CEP20: variants seen among roughly 807,000 people sequenced by gnomAD.
The protein encoded by CEP20 is FGFR1OP N-terminal like.
Under a neutral mutation model 20.0 loss-of-function variants are expected in CEP20, and 18 were observed. That is an observed-to-expected ratio of 0.90 (90% CI 0.62 to 1.34). The LOEUF (loss-of-function observed/expected upper bound fraction) is 1.34. CEP20 is among the 40% of genes most tolerant of loss of function. CEP20 has a pLI of 0.00. For synonymous variants in CEP20, 77 were observed against 73.7 expected, an observed-to-expected ratio of 1.04 and a Z score of -0.23; for missense variants, 215 against 201.6, an observed-to-expected ratio of 1.07 and a Z score of -0.40.
chr16:15,877,809 C>T (rs780367540), intron 3 of CEP20, among the ~76,000 whole-genome samples: 1 of 150,976 alleles, frequency 6.6e-6, no homozygotes, highest in East Asian at 2.0e-4. Flanking sequence ...CCTCACAGCA[C>T]TTTGGGAGGT....
At chr16:15,880,653 G>C (rs957142461) in intron 2 of CEP20, among the ~76,000 whole-genome samples, 1 of 152,136 alleles carries the variant, frequency 6.6e-6, no homozygotes, top group Non-Finnish European at 1.5e-5. Flanking sequence ...TCTACAGCAA[G>C]GGTCCCCAAC....
intron 4 of CEP20, among the ~76,000 whole-genome samples, chr16:15,869,186 C>G (rs1596985498): frequency 6.6e-6 from 1 of 151,980 alleles, no homozygotes; most frequent in South Asian, 2.1e-4. Context: ...TACAAATGCA[C>G]TGGCTGTCAT....
At chr16:15,873,718 C>T in intron 3 of CEP20, 91 bp from the exon 4 acceptor site, 1 of 1,351,716 alleles carries the variant, frequency 7.4e-7, no homozygotes, top group Non-Finnish European at 9.7e-7. Context: ...AAAAGGTAAC[C>T]TCTGACATCA....
chr16:15,885,332 A>AATC (rs200084415), intron 1 of CEP20, among the ~76,000 whole-genome samples: 1 of 146,074 alleles, frequency 6.8e-6, no homozygotes, highest in African/African-American at 2.5e-5. Flanking sequence ...CCAACCAACC[A>AATC]AAAAAAAAAA....
In CEP20 at chr16:15,866,712, T is replaced by G. The variant is rs540851166; in HGVS notation, c.*728A>C. The G allele has an allele frequency of 2.0e-4, 30 of 152,346 alleles. No homozygotes were observed. Among genetic ancestry groups the G allele is most frequent in the African/African-American group, 7.2e-4 (30 of 41,576 alleles). 9.4% of individuals were successfully genotyped at this position (152,346 alleles called of 1,614,324 possible). A position where few individuals can be genotyped will look rare whatever the true frequency, so the allele number is the denominator to read the frequency against. ...TCTCCCAAAGCCTGTCTCTTCATGC[T>G]TACTTCACATTCTTTATCTAATAAA... On this transcript the variant is annotated 3_prime_UTR_variant, in exon 5 of 5. Coordinates refer to ENST00000255759, the MANE Select transcript of CEP20 (RefSeq NM_144600.4).
chr16:15,876,804 C>A (rs1309716330), intron 3 of CEP20, among the ~76,000 whole-genome samples: 2 of 151,040 alleles, frequency 1.3e-5, no homozygotes, highest in African/African-American at 4.9e-5. Flanking sequence ...AAAAATAAAG[C>A]CGTTTTAGCA....
chr16:15,878,309 T>C (rs373838144), intron 3 of CEP20, among the ~76,000 whole-genome samples: 9 of 152,202 alleles, frequency 5.9e-5, no homozygotes, highest in African/African-American at 9.6e-5. Context: ...TGTGAGCAGA[T>C]AGAACAACAG....
intron 4 of CEP20, among the ~76,000 whole-genome samples, chr16:15,869,200 A>T (rs1392959076): frequency 1.3e-5 from 2 of 152,130 alleles, no homozygotes; most frequent in Non-Finnish European, 2.9e-5. Flanking sequence ...CTGTCATTTC[A>T]AAGGTGGGTG....
rs781347674 is a variant in CEP20 at position 15,867,398 on chromosome 16, T to A, written c.*42A>T. ...TGGGACAATAAATAAGTTATTTAATTAATAATACAATTTTAAGACAAAAGA... is the reference window on the plus strand; with the variant it reads ...TGGGACAATAAATAAGTTATTTAATAAATAATACAATTTTAAGACAAAAGA... On this transcript the variant is annotated 3_prime_UTR_variant, in exon 5 of 5. Coordinates refer to ENST00000255759, the MANE Select transcript of CEP20 (RefSeq NM_144600.4). 2.1e-6 allele frequency: 3 copies of A among 1,448,736 alleles called. No homozygotes were observed. In the East Asian group the frequency reaches 7.1e-5, roughly 34 times the overall value. The allele number at this position is 1,448,736 out of a possible 1,614,324, so 89.7% of individuals were successfully genotyped here. A position where few individuals can be genotyped will look rare whatever the true frequency, so the allele number is the denominator to read the frequency against.
At chr16:15,876,837 C>T (rs2044962415) in intron 3 of CEP20, among the ~76,000 whole-genome samples, 1 of 150,982 alleles carries the variant, frequency 6.6e-6, no homozygotes. Flanking sequence ...GCTTCCTCAT[C>T]CTCTCTCAAA....
intron 4 of CEP20, 38 bp downstream of exon 4, chr16:15,873,453 T>C: frequency 2.5e-6 from 4 of 1,586,178 alleles, no homozygotes; most frequent in South Asian, 1.2e-5. Flanking sequence ...AAAACATATT[T>C]GCTGACAGCT....
intron 2 of CEP20, 103 bp from the exon 3 acceptor site, chr16:15,879,991 G>C: frequency 5.2e-6 from 4 of 767,952 alleles, no homozygotes; most frequent in Non-Finnish European, 6.3e-6. Context: ...TTTAGATTTT[G>C]GAAGAATGAT....
intron 1 of CEP20, among the ~76,000 whole-genome samples, chr16:15,887,852 G>A (rs1427600761): frequency 1.3e-5 from 2 of 152,038 alleles, no homozygotes; most frequent in East Asian, 3.9e-4. Flanking sequence ...CCAGCACTTT[G>A]AGGGGGCCAA....
intron 3 of CEP20, among the ~76,000 whole-genome samples, chr16:15,874,962 CATT>C (rs1476108724): frequency 1.3e-5 from 2 of 152,180 alleles, no homozygotes; most frequent in Non-Finnish European, 2.9e-5. Flanking sequence ...CTGTCAATAT[CATT>C]ATGAGTTTGG....
intron 3 of CEP20, among the ~76,000 whole-genome samples, chr16:15,876,686 C>G (rs893459391): frequency 7.9e-5 from 12 of 152,170 alleles, no homozygotes; most frequent in Admixed American, 5.2e-4. Flanking sequence ...TGCAGCACTG[C>G]AGATCTGTAA....
In CEP20 at chr16:15,871,217, T is replaced by C. The variant is rs1028730306; in HGVS notation, c.448+2274A>G. 3.9e-5 allele frequency among the ~76,000 whole-genome samples: 6 copies of C among 151,946 alleles called. No homozygotes were observed. In the South Asian group the frequency reaches 1.0e-3, roughly 26 times the overall value. ...GTTGCAGTGAGGTGAGATTGTGCCA[T>C]TGCACTCCAGCCTGGGTGACAGAGT... On this transcript the variant is annotated intron_variant, in intron 4 of 4. Coordinates refer to ENST00000255759, the MANE Select transcript of CEP20 (RefSeq NM_144600.4).
intron 2 of CEP20, among the ~76,000 whole-genome samples, chr16:15,880,667 C>T (rs1182433314): frequency 6.6e-6 from 1 of 152,142 alleles, no homozygotes; most frequent in Non-Finnish European, 1.5e-5. Context: ...CCCCAACCCC[C>T]GAGCCACAGA....
Position 15,865,940 on chromosome 16 carries a change from G to A in CEP20, c.*1500C>T, listed in dbSNP as rs1172668865. The A allele has an allele frequency of 1.3e-5, 2 of 152,104 alleles. No individual in the cohort carries two copies. The highest frequency in any genetic ancestry group is 6.6e-5 in the Admixed American group (1 of 15,262). 9.4% of individuals were successfully genotyped at this position (152,104 alleles called of 1,614,324 possible). On this transcript the variant is annotated 3_prime_UTR_variant, in exon 5 of 5. Transcript: ENST00000255759. Reference sequence around the variant, plus strand: ...GATTGCAATTCCTGAGGTAAACTAAGTGTCCACTGCCAACATCCTTGGACG... The same window carrying A: ...GATTGCAATTCCTGAGGTAAACTAAATGTCCACTGCCAACATCCTTGGACG...
chr16:15,883,520 C>A (rs1402172175), intron 2 of CEP20, among the ~76,000 whole-genome samples: 1 of 152,026 alleles, frequency 6.6e-6, no homozygotes, highest in Non-Finnish European at 1.5e-5. Flanking sequence ...CACGTGCCAC[C>A]ATGCATGGCT....
Sources: gnomAD v4.1 joint callset for allele counts (sites outside exome capture counted in the v4.1 genomes callset) on GRCh38, gnomAD v4.1.1 for gene constraint, MANE v1.5 for transcripts, NCBI Gene and HGNC (gene_info 2026-07-23, HGNC 2026-07-21) for gene names.